The following DMRT1 variants were observed in gnomAD, a reference collection of about 807,000 sequenced individuals.
DMRT1 encodes the protein doublesex- and mab-3-related transcription factor 1.
A neutral mutation model predicts 32.3 loss-of-function variants in DMRT1; 7 were observed. The ratio of observed to expected loss-of-function variants is 0.22; its 90% CI spans 0.12 to 0.41. The LOEUF (loss-of-function observed/expected upper bound fraction) is 0.41, where lower values mean the gene tolerates loss of function less well. Among genes scored for constraint, DMRT1 ranks in the 10% least tolerant of loss-of-function variants. The probability of loss-of-function intolerance (pLI) is 1.00; values close to 1 mark genes in which losing one functional copy is unlikely to be tolerated. For synonymous variants in DMRT1, 278 were observed against 206.1 expected (o/e 1.35, Z -2.99); for missense variants, 625 against 500.5 (o/e 1.25, Z -2.37).
intron 3 of DMRT1, among the ~76,000 whole-genome samples, chr9:913,325 G>A (rs1433580470): frequency 1.3e-5 from 2 of 152,026 alleles, no homozygotes; most frequent in Non-Finnish European, 2.9e-5. Context: ...GGCTTATGTC[G>A]GCACCTTGCT....
At chr9:888,009 G>A (rs575899919) in intron 2 of DMRT1, among the ~76,000 whole-genome samples, 1 of 152,146 alleles carries the variant, frequency 6.6e-6, no homozygotes, top group East Asian at 1.9e-4. Context: ...TGTAACACCT[G>A]CTCCTCTGGA....
intron 3 of DMRT1, among the ~76,000 whole-genome samples, chr9:913,464 C>G (rs1254680158): frequency 6.6e-6 from 1 of 151,798 alleles, no homozygotes; most frequent in Non-Finnish European, 1.5e-5. Flanking sequence ...GCAACAGACC[C>G]CTGAAAAAAA....
chr9:861,269 C>G (rs1433246642), intron 2 of DMRT1, among the ~76,000 whole-genome samples: 3 of 151,902 alleles, frequency 2.0e-5, no homozygotes, highest in East Asian at 1.9e-4. Context: ...GGTGATGACT[C>G]TTAAGGAGCA....
intron 3 of DMRT1, among the ~76,000 whole-genome samples, chr9:901,944 G>T (rs774271346): frequency 2.4e-5 from 3 of 126,168 alleles, no homozygotes; most frequent in Admixed American, 1.8e-4. Context: ...ACAGAGTCTC[G>T]CTCTGTTGCC....
Position 841,819 on chromosome 9 carries a change from G to C in DMRT1, c.-20G>C. On this transcript the variant is annotated 5_prime_UTR_variant, in exon 1 of 5. Coordinates refer to ENST00000382276, the MANE Select transcript of DMRT1 (RefSeq NM_021951.3). ...GGCGAGAGAGGGGGCCAGAGTGCTC[G>C]CACTTCTCCTAGGGGCACCATGCCC... The C allele has an allele frequency of 6.2e-7, 1 of 1,600,292 alleles. No homozygotes were observed. The highest frequency in any genetic ancestry group is 8.5e-7 in the Non-Finnish European group (1 of 1,174,080).
At chr9:917,951 G>A (rs893549793) in intron 4 of DMRT1, among the ~76,000 whole-genome samples, 2 of 152,306 alleles carry the variant, frequency 1.3e-5, no homozygotes, top group East Asian at 1.9e-4. Flanking sequence ...ATCACTTTCC[G>A]TTGGGAGTGG....
At chr9:891,861 A>G (rs1817164905) in intron 2 of DMRT1, among the ~76,000 whole-genome samples, 2 of 152,086 alleles carry the variant, frequency 1.3e-5, no homozygotes, top group Admixed American at 1.3e-4. Context: ...TTTTGATGCC[A>G]AGCTACTTGA....
intron 3 of DMRT1, among the ~76,000 whole-genome samples, chr9:902,057 G>C (rs769711931): frequency 1.1e-4 from 17 of 150,774 alleles, no homozygotes; most frequent in South Asian, 8.5e-4. Context: ...TTACAGGCGT[G>C]CACCACCACG....
At chr9:949,178 G>T (rs1819347416) in intron 4 of DMRT1, among the ~76,000 whole-genome samples, 1 of 152,038 alleles carries the variant, frequency 6.6e-6, no homozygotes, top group Non-Finnish European at 1.5e-5. Context: ...TTTAAGATCA[G>T]CCTGGGCAAC....
At chr9:924,343 A>G (rs1431680079) in intron 4 of DMRT1, among the ~76,000 whole-genome samples, 1 of 152,178 alleles carries the variant, frequency 6.6e-6, no homozygotes, top group South Asian at 2.1e-4. Context: ...CAGTGCTGGG[A>G]TTACAGATGT....
chr9:964,903 G>A (rs1819885745), intron 4 of DMRT1, among the ~76,000 whole-genome samples: 3 of 152,168 alleles, frequency 2.0e-5, no homozygotes, highest in South Asian at 4.1e-4. Flanking sequence ...TGCCACTGAC[G>A]CTAGGAGTTA....
intron 4 of DMRT1, 54 bp downstream of exon 4, chr9:916,961 A>G: frequency 6.3e-7 from 1 of 1,597,838 alleles, no homozygotes; most frequent in African/African-American, 1.3e-5. Context: ...ATGGCTATCC[A>G]GTATTGGGTC....
intron 4 of DMRT1, among the ~76,000 whole-genome samples, chr9:948,597 G>T (rs947990024): frequency 1.3e-5 from 2 of 149,618 alleles, no homozygotes; most frequent in African/African-American, 4.9e-5. Context: ...GGCCCAGAAG[G>T]CTCCGCAACA....
intron 2 of DMRT1, among the ~76,000 whole-genome samples, chr9:864,779 C>T (rs555973854): frequency 1.3e-5 from 2 of 152,116 alleles, no homozygotes; most frequent in East Asian, 1.9e-4. Context: ...GGATTACAGG[C>T]GTGAGCCACC....
chr9:847,191 G>A, intron 2 of DMRT1, 48 bp downstream of exon 2: 1 of 1,593,190 alleles, frequency 6.3e-7, no homozygotes, highest in Non-Finnish European at 8.6e-7. Context: ...CATGAGGGAG[G>A]CCGAAGGGTT....
chr9:857,072 T>G (rs548281962), intron 2 of DMRT1, among the ~76,000 whole-genome samples: 1 of 152,306 alleles, frequency 6.6e-6, no homozygotes, highest in East Asian at 1.9e-4. Context: ...CCCAGCACTT[T>G]GGGAGGCCGA....
chr9:965,249 G>C lies in DMRT1; in HGVS notation c.968-2736G>C, dbSNP rs538159202. 2.0e-5 allele frequency among the ~76,000 whole-genome samples: 3 copies of C among 152,292 alleles called. No homozygotes were observed. Among genetic ancestry groups the C allele is most frequent in the Admixed American group, 2.0e-4 (3 of 15,288 alleles). ...ACAGATACTATCCCTAACTTCAACA[G>C]CCTATTATTTAAAAACAATGCTAAG... On this transcript the variant is annotated intron_variant, in intron 4 of 4. Transcript: ENST00000382276. The surrounding 1 kb of genome is among the most constrained non-coding windows in gnomAD (Gnocchi z 4.5).
chr9:923,738 G>T (rs1027654659), intron 4 of DMRT1, among the ~76,000 whole-genome samples: 1 of 152,174 alleles, frequency 6.6e-6, no homozygotes, highest in South Asian at 2.1e-4. Context: ...TTCTCAGCCA[G>T]TAGGATAGAA....
chr9:873,617 C>T (rs1433557035), intron 2 of DMRT1, among the ~76,000 whole-genome samples: 1 of 152,114 alleles, frequency 6.6e-6, no homozygotes, highest in Admixed American at 6.6e-5. Context: ...CCGCGCCCAG[C>T]CTCTATAGAC....
Sources: allele counts gnomAD v4.1 joint callset (sites outside exome capture counted in the v4.1 genomes callset), GRCh38; gene constraint gnomAD v4.1.1; non-coding constraint Gnocchi (gnomAD v3.1); transcripts MANE v1.5; gene names NCBI Gene and HGNC (gene_info 2026-07-23, HGNC 2026-07-21).